TTN: variants seen among roughly 807,000 people sequenced by gnomAD.
TTN encodes the protein connectin.
TTN carries 1,525 observed loss-of-function variants against 3,223.0 expected under a neutral mutation model. That is an observed-to-expected ratio of 0.47 (90% CI 0.45 to 0.49). The LOEUF is 0.49. Ranked by LOEUF, TTN falls within the 20% of genes least tolerant of loss-of-function variation. The probability of loss-of-function intolerance (pLI) is 0.00; values close to 1 mark genes in which losing one functional copy is unlikely to be tolerated. For synonymous variants in TTN, 14,094 were observed against 15,161.0 expected (o/e 0.93, Z 5.17); for missense variants, 40,786 against 43,424.0 (o/e 0.94, Z 5.40).
At chr2:178,529,274 T>C in intron 359 of TTN, 55 bp from the exon 360 acceptor site, 2 of 1,290,142 alleles carry the variant, frequency 1.6e-6, no homozygotes, top group Non-Finnish European at 1.0e-6. Context: ...CCCCACCTTT[T>C]ACTCTTCTAG....
In TTN at chr2:178,593,350, T is replaced by G; in HGVS notation, c.58858A>C (p.Thr19620Pro). 1.2e-6 allele frequency: 2 copies of G among 1,613,342 alleles called. No individual in the cohort carries two copies. Among genetic ancestry groups the G allele is most frequent in the Non-Finnish European group, 1.7e-6 (2 of 1,179,540 alleles). The change falls in exon 299 of 363, where the codon ACT becomes CCT. Residue 19620 changes from threonine to proline, a missense_variant. Coordinates refer to ENST00000589042, the MANE Select transcript of TTN (RefSeq NM_001267550.2). ...ACTCTAGCCCATCGTTTAGACATAG[T>G]TTCTCTCTTTTCCAGGATGTAGTTT... ...ITNYILEKRETMSKRWARVTK... is the reference protein window; with the variant it reads ...ITNYILEKREPMSKRWARVTK...
chr2:178,670,952 A>ATAT, intron 156 of TTN, 138 bp downstream of exon 156: 1 of 651,520 alleles, frequency 1.5e-6, no homozygotes, highest in South Asian at 2.1e-5. Context: ...TGCTTTAAAG[A>ATAT]TATTAGTTTG....
At chr2:178,787,348 T>C (rs2093253185) in intron 13 of TTN, among the ~76,000 whole-genome samples, 1 of 152,118 alleles carries the variant, frequency 6.6e-6, no homozygotes, top group South Asian at 2.1e-4. Context: ...ATCTTCACTT[T>C]AGATTGCATC....
rs1430161296 is a variant in TTN, at chr2:178,579,807, A to G, written c.67390T>C (p.Ser22464Pro). Residue 22464 changes from serine to proline, a missense_variant, in exon 319 of 363, where the codon TCT (serine) becomes CCT (proline). By Grantham distance (74) the Ser-to-Pro change is moderately conservative. Coordinates refer to ENST00000589042, the MANE Select transcript of TTN (RefSeq NM_001267550.2). The part of the protein sequence containing the change: ...PVVDLKVRSV[S>P]KSSCSIGWKK... ...CAGCCAATGCTACAGGATGACTTAG[A>G]TACAGACCTCACTTTCAGGTCCACA... 5 of 1,613,222 alleles carry G rather than the reference A, an allele frequency of 3.1e-6. No homozygotes were observed. Among genetic ancestry groups the G allele is most frequent in the East Asian group, 2.2e-5 (1 of 44,788 alleles).
In TTN at chr2:178,784,079, G is replaced by C; in HGVS notation, c.2766C>G (p.Arg922=). ...GTAACCAGTGACCAACCTTGGCTTC[G>C]CGTCCGTGCAGTACTTCAAAGCGCT... ...REERFEVLHG[R]EAKVTETARV... is the part of the protein sequence containing the mutation. Residue 922 remains arginine, a synonymous_variant, in exon 16 of 363, where the codon CGC becomes CGG. Coordinates refer to ENST00000589042, the MANE Select transcript of TTN (RefSeq NM_001267550.2). 1 of 1,613,094 alleles carries C rather than the reference G, an allele frequency of 6.2e-7. No homozygotes were observed. The highest frequency in any genetic ancestry group is 1.3e-5 in the African/African-American group (1 of 74,988).
intron 6 of TTN, among the ~76,000 whole-genome samples, chr2:178,796,486 G>A (rs947081897): frequency 6.6e-6 from 1 of 152,022 alleles, no homozygotes; most frequent in Non-Finnish European, 1.5e-5. Context: ...TTATTTTCTC[G>A]AAGAATGGCT....
chr2:178,548,482 G>T lies in TTN; in HGVS notation c.93144C>A (p.Ile31048=), dbSNP rs1698087779. 1 of 1,613,834 alleles carries T rather than the reference G, an allele frequency of 6.2e-7. No homozygotes were observed. The highest frequency in any genetic ancestry group is 8.5e-7 in the Non-Finnish European group (1 of 1,179,810). ...CTCGTTTCTCTACCACATAATGATG[G>T]ATTCGGGCACCACCGTCAAGAAGAG... The part of the protein sequence containing the change: ...DAPLLDGGAR[I]HHYVVEKREA... Residue 31048 remains isoleucine (I), a synonymous_variant, in exon 339 of 363, where the codon ATC becomes ATA. Transcript: ENST00000589042. This position sits in a 1 kb window ranked among gnomAD's most constrained non-coding sequence, Gnocchi z 4.3.
rs1313914441 is a variant in TTN, at chr2:178,657,694, AG to A, written c.37946del (p.Pro12649LeufsTer298). On this transcript the variant is annotated frameshift_variant, in exon 188 of 363. Coordinates refer to ENST00000589042, the MANE Select transcript of TTN (RefSeq NM_001267550.2). LOFTEE classifies it high-confidence loss of function. ...AGGTCAAATGACAAGTACCTGTAAC[AG>A]GTGGAACTTCTGGCTTTTTAGGAAG... ...LVLPKKPEVP[P>X]VTVPEAPKEV... 7 of 1,146,490 alleles carry A rather than the reference AG, an allele frequency of 6.1e-6. No individual in the cohort carries two copies. Among genetic ancestry groups the A allele is most frequent in the Non-Finnish European group, 8.1e-6 (7 of 865,872 alleles). The allele number at this position is 1,146,490 out of a possible 1,614,324, so 71.0% of individuals were successfully genotyped here.
At chr2:178,678,931 T>TA in intron 142 of TTN, 101 bp from the exon 143 acceptor site, 1 of 925,442 alleles carries the variant, frequency 1.1e-6, no homozygotes, top group Non-Finnish European at 1.6e-6. Flanking sequence ...ATAGATATTC[T>TA]ATCAATTTCA....
Position 178,740,781 on chromosome 2 carries a change from T to C in TTN, c.12452A>G (p.Gln4151Arg). 6.2e-7 allele frequency: 1 copy of C among 1,613,554 alleles called. No homozygotes were observed. The highest frequency in any genetic ancestry group is 8.5e-7 in the Non-Finnish European group (1 of 1,179,680). ...TTTCTGGGACTGTACAATCTGCAGC[T>C]GTAGGTTGGGAGATGGTTCCTTGAG... ...QPLKEPSPNL[Q>R]LQIVQSQKTF... Residue 4151 changes from glutamine to arginine, a missense_variant, in exon 48 of 363, where the codon CAG becomes CGG. Coordinates refer to ENST00000589042, the MANE Select transcript of TTN (RefSeq NM_001267550.2).
In TTN at chr2:178,670,761, TTAA is replaced by T. The variant is rs1487975773; in HGVS notation, c.35308+326_35308+328del. 2.0e-5 allele frequency among the ~76,000 whole-genome samples: 3 copies of T among 151,912 alleles called. No homozygotes were observed. The East Asian group carries it at 5.8e-4, about 29-fold the overall frequency. ...ATTTATATTTGCCAGGTTAATATAA[TTAA>T]TAATAAATAGAAAAACATGTGTTTA... On this transcript the variant is annotated intron_variant, in intron 156 of 362. Coordinates refer to ENST00000589042, the MANE Select transcript of TTN (RefSeq NM_001267550.2).
At position 178,620,780 on chromosome 2, in the gene TTN, T is replaced by C. The variant is rs1274378566; in HGVS notation, c.45830A>G (p.Tyr15277Cys). 1 of 1,612,864 alleles carries C rather than the reference T, an allele frequency of 6.2e-7. No homozygotes were observed. Among genetic ancestry groups the C allele is most frequent in the Non-Finnish European group, 8.5e-7 (1 of 1,179,158 alleles). Residue 15277 changes from tyrosine (Y) to cysteine (C), a missense_variant, in exon 247 of 363, where the codon TAT (tyrosine) becomes TGT (cysteine). Physicochemically the swap from Tyr to Cys is radical, Grantham distance 194. Transcript: ENST00000589042. ...TCTGTGATTGGTCAAAGACACATTA[T>C]AGTTGGCTTGGTCATCTAAGTGTGC... ...RDAHLDDQAN[Y>C]NVSLTNHRGE... is the part of the protein sequence containing the mutation.
At position 178,620,732 on chromosome 2, in the gene TTN, G is replaced by C. The variant is rs1453100283; in HGVS notation, c.45878C>G (p.Ala15293Gly). ...NHRGENVKSA[A>G]NLIVEEEDLR... ...TTACTTACCTTCTACTATTAGATTG[G>C]CTGCACTTTTAACATTTTCACCTCT... The change falls in exon 247 of 363, where the codon GCC becomes GGC. Residue 15293 changes from alanine (A) to glycine (G), a missense_variant. Transcript: ENST00000589042. The C allele has an allele frequency of 6.2e-7, 1 of 1,612,612 alleles. No homozygotes were observed. Among genetic ancestry groups the C allele is most frequent in the Admixed American group, 1.7e-5 (1 of 59,946 alleles).
chr2:178,580,050 A>C lies in TTN; in HGVS notation c.67237T>G (p.Phe22413Val). Reference sequence around the variant, plus strand: ...CCCTCCTCCAAATTAGCTACTCTGAAGCTTGTTTTGGAGCACTCAGTTGTC... The same window carrying C: ...CCCTCCTCCAAATTAGCTACTCTGACGCTTGTTTTGGAGCACTCAGTTGTC... Reference protein sequence around the residue: ...TVTTECSKTSFRVANLEEGKS... With the variant: ...TVTTECSKTSVRVANLEEGKS... Residue 22413 changes from phenylalanine to valine, a missense_variant, in exon 318 of 363, where the codon TTC (phenylalanine) becomes GTC (valine). Phe to Val is a conservative substitution (Grantham distance 50, BLOSUM62 -1). Coordinates refer to ENST00000589042, the MANE Select transcript of TTN (RefSeq NM_001267550.2). 6.2e-7 allele frequency: 1 copy of C among 1,613,296 alleles called. No individual in the cohort carries two copies. The highest frequency in any genetic ancestry group is 8.5e-7 in the Non-Finnish European group (1 of 1,179,488).
rs1693711060 is a variant in TTN at position 178,540,118 on chromosome 2, G to A, written c.98048C>T (p.Pro32683Leu). ...FRVLACNAGG[P>L]GEPAEVPGTV... ...TCCTGGTACCTCAGCAGGCTCACCA[G>A]GTCCACCAGCATTACAAGCTAGGAC... is the stretch of plus-strand genomic sequence containing the variant. The change falls in exon 351 of 363, where the codon CCT (proline) becomes CTT (leucine). Residue 32683 changes from proline (P) to leucine (L), a missense_variant. Physicochemically the swap from Pro to Leu is moderately conservative, Grantham distance 98. Coordinates refer to ENST00000589042, the MANE Select transcript of TTN (RefSeq NM_001267550.2). The A allele has an allele frequency of 6.2e-7, 1 of 1,611,410 alleles. No individual in the cohort carries two copies. The highest frequency in any genetic ancestry group is 8.5e-7 in the Non-Finnish European group (1 of 1,177,826).
At position 178,580,577 on chromosome 2, in the gene TTN, T is replaced by C. The variant is rs762044819; in HGVS notation, c.66802A>G (p.Arg22268Gly). 6.2e-7 allele frequency: 1 copy of C among 1,611,578 alleles called. No homozygotes were observed. Among genetic ancestry groups the C allele is most frequent in the South Asian group, 1.1e-5 (1 of 90,444 alleles). Residue 22268 changes from arginine to glycine, a missense_variant, in exon 317 of 363, where the codon AGG (arginine) becomes GGG (glycine). By Grantham distance (125) the Arg-to-Gly change is moderately radical. Coordinates refer to ENST00000589042, the MANE Select transcript of TTN (RefSeq NM_001267550.2). ...CCAGCACGTAATATGAGTGTCTTCC[T>C]TAAGTCCGCATCAAGTTCTCCCTCA... ...PPEGELDADLRKTLILRAGVT... is the reference protein window; with the variant it reads ...PPEGELDADLGKTLILRAGVT...
Position 178,629,387 on chromosome 2 carries a change from T to C in TTN, c.44338A>G (p.Thr14780Ala), listed in dbSNP as rs1279825946. ...GAGAGCTCGCAGTCGAAGGTGGCTG[T>C]TTCCCCTGCAGTCACGGTGACATCC... Reference protein sequence around the residue: ...LKDVTVTAGETATFDCELSYE... With the variant: ...LKDVTVTAGEAATFDCELSYE... The change falls in exon 240 of 363, where the codon ACA becomes GCA. Residue 14780 changes from threonine (T) to alanine (A), a missense_variant. Transcript: ENST00000589042. 1.2e-6 allele frequency: 2 copies of C among 1,613,042 alleles called. No individual in the cohort carries two copies. The highest frequency in any genetic ancestry group is 1.1e-5 in the South Asian group (1 of 91,056).
intron 47 of TTN, chr2:178,747,115 G>T: frequency 6.2e-7 from 1 of 1,606,574 alleles, no homozygotes; most frequent in African/African-American, 1.4e-5. Context: ...GGGGTGTGGA[G>T]TATCTCTCCA....
intron 19 of TTN, 53 bp from the exon 20 acceptor site, chr2:178,782,480 T>C (rs138506661): frequency 1.1e-4 from 173 of 1,613,792 alleles, no homozygotes; most frequent in African/African-American, 5.7e-4. Flanking sequence ...TTGCCAATAC[T>C]GGTGGGGCTG....
Sources: gnomAD v4.1 joint callset for allele counts (sites outside exome capture counted in the v4.1 genomes callset) on GRCh38, gnomAD v4.1.1 for gene constraint, Gnocchi (gnomAD v3.1) non-coding constraint, MANE v1.5 for transcripts, NCBI Gene and HGNC (gene_info 2026-07-23, HGNC 2026-07-21) for gene names.